Variants in RSRP1 observed in about 807,000 individuals in gnomAD.
RSRP1 encodes the protein arginine/serine-rich protein 1.
RSRP1 carries 37 observed loss-of-function variants against 33.0 expected under a neutral mutation model. That is an observed-to-expected ratio of 1.12 (90% confidence interval 0.86 to 1.48). The LOEUF (loss-of-function observed/expected upper bound fraction) is 1.48. RSRP1 is among the 40% of genes most tolerant of loss of function. RSRP1 has a pLI of 0.00. For missense variants in RSRP1, 402 were observed against 385.3 expected, an observed-to-expected ratio of 1.04 and a Z score of -0.36; for synonymous variants, 167 against 158.7, an observed-to-expected ratio of 1.05 and a Z score of -0.40.
At chr1:25,254,180 T>C (rs1639877770) in intron 1 of RSRP1, among the ~76,000 whole-genome samples, 1 of 152,172 alleles carries the variant, frequency 6.6e-6, no homozygotes, top group Non-Finnish European at 1.5e-5. Flanking sequence ...CACTCCACTG[T>C]TTGCAATTAC....
chr1:25,330,256 C>T (rs1223749835), intron 1 of RSRP1: 1 of 133,096 alleles, frequency 7.5e-6, no homozygotes, highest in Admixed American at 7.3e-5. Context: ...TCTTAACAGA[C>T]AATTGGTCAA....
At position 25,311,914 on chromosome 1, in the gene RSRP1, A is replaced by C. The variant is rs191399519; in HGVS notation, c.-67+26064T>G. On this transcript the variant is annotated intron_variant, in intron 1 of 1. Transcript: ENST00000561867. The stretch of plus-strand genomic sequence containing the variant: ...CTACATTTCAAAGGGTGCTGTGAAC[A>C]GCCACCCCAGAGAGCCCCTAGTAGA... Among the ~76,000 whole-genome samples the C allele has an allele frequency of 6.9e-5, 9 of 130,352 alleles. 2 individuals are homozygous for C. The allele number at this position is 130,352 out of a possible 152,430, so 85.5% of individuals were successfully genotyped here. A position where few individuals can be genotyped will look rare whatever the true frequency, so the allele number is the denominator to read the frequency against.
chr1:25,310,142 A>G (rs2124702854), intron 1 of RSRP1, among the ~76,000 whole-genome samples: 1 of 132,862 alleles, frequency 7.5e-6, no homozygotes, highest in African/African-American at 2.5e-5. Context: ...GACTTCTAAC[A>G]GCATCAGTCA....
intron 2 of RSRP1, chr1:25,246,061 A>G (rs1207278239): frequency 5.7e-6 from 1 of 176,038 alleles, no homozygotes; most frequent in Non-Finnish European, 1.2e-5. Context: ...CTCCTAGGTC[A>G]CTTAGGATAC....
intron 1 of RSRP1, among the ~76,000 whole-genome samples, chr1:25,261,040 T>C (rs917092936): frequency 2.6e-5 from 4 of 152,128 alleles, no homozygotes; most frequent in South Asian, 2.1e-4. Flanking sequence ...GACCTTGTCA[T>C]CTGCCTGCCT....
In RSRP1 at chr1:25,319,944, G is replaced by A. The variant is rs1413489296; in HGVS notation, c.-67+18034C>T. 2.3e-4 allele frequency among the ~76,000 whole-genome samples: 30 copies of A among 131,060 alleles called. 5 individuals carry two copies. The allele number at this position is 131,060 out of a possible 152,430, so 86.0% of individuals were successfully genotyped here. On this transcript the variant is annotated intron_variant, in intron 1 of 1. Transcript: ENST00000561867. ...ACGCAGTTTTGCTCTTGTTGCCCAG[G>A]CTGGAGTGCAATGGCGCTATCTCGG...
At chr1:25,243,514 C>T (rs1303433238) in intron 4 of RSRP1, 36 bp downstream of exon 4, 1 of 1,603,582 alleles carries the variant, frequency 6.2e-7, no homozygotes, top group African/African-American at 1.3e-5. Context: ...CATCCTAAAT[C>T]CAATTTTTGA....
intron 1 of RSRP1, chr1:25,272,368 A>G: frequency 1.2e-6 from 1 of 834,382 alleles, no homozygotes; most frequent in Non-Finnish European, 1.9e-6. Flanking sequence ...TCCCCTCCCC[A>G]TCATAGTCCC....
rs377084107 is a variant in RSRP1, at chr1:25,278,640, T to A, written c.-66-31611A>T. On this transcript the variant is annotated intron_variant, in intron 1 of 1. Coordinates refer to the RSRP1 transcript ENST00000561867. Reference sequence around the variant, plus strand: ...TACCAGGCAGAGCTTCCCTAAGGCTTCCAAACTAGGAGACTATCCTGGGTC... The same window carrying A: ...TACCAGGCAGAGCTTCCCTAAGGCTACCAAACTAGGAGACTATCCTGGGTC... Among the ~76,000 whole-genome samples the A allele has an allele frequency of 4.7e-4, 62 of 131,354 alleles. 6 individuals are homozygous for A. The highest frequency in any genetic ancestry group is 1.2e-3 in the African/African-American group (47 of 38,648). 86.2% of individuals were successfully genotyped at this position (131,354 alleles called of 152,430 possible).
rs374796895 is a variant in RSRP1 at position 25,273,157 on chromosome 1, G to A, written c.-66-26128C>T. Among the ~76,000 whole-genome samples, 315 of 129,620 alleles carry A rather than the reference G, an allele frequency of 2.4e-3. 66 individuals are homozygous for A. Among genetic ancestry groups the A allele is most frequent in the Admixed American group, 5.3e-3 (71 of 13,284 alleles). The allele number at this position is 129,620 out of a possible 152,430, so 85.0% of individuals were successfully genotyped here. A position where few individuals can be genotyped will look rare whatever the true frequency, so the allele number is the denominator to read the frequency against. On this transcript the variant is annotated intron_variant, in intron 1 of 1. Transcript: ENST00000561867. ...CGCTCATTTCTTATTTCTTTTTGAG[G>A]CAGGGTCTCACTCTGTTGCCCAGGC...
chr1:25,320,143 C>A (rs151132067), intron 1 of RSRP1, among the ~76,000 whole-genome samples: 5,049 of 131,236 alleles, frequency 0.038, 904 homozygotes, highest in African/African-American at 0.12. Flanking sequence ...GGTGATCCGC[C>A]CACCTTGGCC....
At chr1:25,303,407 T>G (rs1571677886) in intron 1 of RSRP1, 1 of 1,378,810 alleles carries the variant, frequency 7.3e-7, no homozygotes, top group Non-Finnish European at 1.0e-6. Flanking sequence ...CTTGCCATGG[T>G]GCTGGGTCTT....
In RSRP1 at chr1:25,296,243, C is replaced by CT. The variant is rs894411494; in HGVS notation, c.-67+41734dup. Among the ~76,000 whole-genome samples the CT allele has an allele frequency of 1.6e-3, 190 of 115,340 alleles. 16 individuals are homozygous for CT. The highest frequency in any genetic ancestry group is 3.4e-3 in the African/African-American group (118 of 34,682). The allele number at this position is 115,340 out of a possible 152,430, so 75.7% of individuals were successfully genotyped here. ...CCCCTAAATACTTCAGTGTACATTT[C>CT]TTTTTTTTTTTTTCTTTGAGACAGA... On this transcript the variant is annotated intron_variant, in intron 1 of 1. Transcript: ENST00000561867.
rs1371813142 is a variant in RSRP1 at position 25,297,112 on chromosome 1, A to G, written c.-67+40866T>C. ...GGATTACATCTTGCATTTAGTTCTC[A>G]TGTCTTATTAAATTCCATCAATCTG... On this transcript the variant is annotated intron_variant, in intron 1 of 1. Coordinates refer to the RSRP1 transcript ENST00000561867. 4.2e-5 allele frequency among the ~76,000 whole-genome samples: 5 copies of G among 119,610 alleles called. 2 individuals carry two copies. Among genetic ancestry groups the G allele is most frequent in the Non-Finnish European group, 9.8e-5 (5 of 51,056 alleles). 78.5% of individuals were successfully genotyped at this position (119,610 alleles called of 152,430 possible).
At position 25,291,337 on chromosome 1, in the gene RSRP1, C is replaced by G. The variant is rs1420732633; in HGVS notation, c.-66-44308G>C. On this transcript the variant is annotated intron_variant, in intron 1 of 1. Transcript: ENST00000561867. ...TACAAAATTTAGCTGGGCATGGTGG[C>G]AGGCGCCTGTAATCCCAGCTACTCA... Among the ~76,000 whole-genome samples the G allele has an allele frequency of 3.1e-5, 4 of 130,822 alleles. 1 individual carries two copies. The highest frequency in any genetic ancestry group is 1.0e-4 in the African/African-American group (4 of 38,380). The allele number at this position is 130,822 out of a possible 152,430, so 85.8% of individuals were successfully genotyped here.
intron 3 of RSRP1, 139 bp from the exon 4 acceptor site, chr1:25,243,772 G>C (rs942180174): frequency 7.1e-7 from 1 of 1,413,038 alleles, no homozygotes; most frequent in Non-Finnish European, 9.2e-7. Context: ...CTAAGTAACA[G>C]AACTATTGAG....
chr1:25,337,285 G>A (rs1416148428), intron 1 of RSRP1: 1 of 152,130 alleles, frequency 6.6e-6, no homozygotes, highest in Non-Finnish European at 1.5e-5. Context: ...CCTCCGCTAG[G>A]GAGACCGCAC....
At position 25,275,832 on chromosome 1, in the gene RSRP1, A is replaced by G. The variant is rs558207630; in HGVS notation, c.-66-28803T>C. 4.5e-3 allele frequency among the ~76,000 whole-genome samples: 600 copies of G among 132,388 alleles called. 73 individuals carry two copies. The highest frequency in any genetic ancestry group is 0.015 in the African/African-American group (578 of 38,772). 86.9% of individuals were successfully genotyped at this position (132,388 alleles called of 152,430 possible). ...TTGACTTGTCAGATCTGATTAGATCAACATGTTTTAAATCTCGAATGTGAC... is the reference window on the plus strand; with the variant it reads ...TTGACTTGTCAGATCTGATTAGATCGACATGTTTTAAATCTCGAATGTGAC... On this transcript the variant is annotated intron_variant, in intron 1 of 1. Transcript: ENST00000561867.
At chr1:25,285,904 G>T (rs1202699123) in intron 1 of RSRP1, among the ~76,000 whole-genome samples, 1 of 134,342 alleles carries the variant, frequency 7.4e-6, no homozygotes, top group African/African-American at 2.6e-5. Flanking sequence ...AAACCTCTGG[G>T]CACTGCTGTT....
Sources: allele counts gnomAD v4.1 joint callset (sites outside exome capture counted in the v4.1 genomes callset), GRCh38; gene constraint gnomAD v4.1.1; transcripts MANE v1.5; gene names NCBI Gene and HGNC (gene_info 2026-07-23, HGNC 2026-07-21).